Variants in MCC observed in about 807,000 individuals in gnomAD.
MCC encodes colorectal mutant cancer protein.
MCC carries 90 observed loss-of-function variants against 116.2 expected under a neutral mutation model. The ratio of observed to expected loss-of-function variants is 0.77; its 90% CI spans 0.65 to 0.92. MCC has a LOEUF of 0.92. Among genes scored for constraint, MCC ranks in the 40% least tolerant of loss-of-function variants. The pLI is 0.00. For missense variants in MCC, 1,516 were observed against 1,312.2 expected (o/e 1.16, Z -2.40); for synonymous variants, 578 against 510.5 (o/e 1.13, Z -1.78).
At chr5:113,380,077 C>T (rs762840345) in intron 2 of MCC, among the ~76,000 whole-genome samples, 5 of 152,182 alleles carry the variant, frequency 3.3e-5, no homozygotes, top group African/African-American at 7.2e-5. Context: ...ATTCCTCTTC[C>T]GAGCTGAGCA....
chr5:113,454,364 C>G (rs1771482693), intron 1 of MCC, among the ~76,000 whole-genome samples: 1 of 152,126 alleles, frequency 6.6e-6, no homozygotes, highest in South Asian at 2.1e-4. Context: ...CTTGGCCTCC[C>G]AAAATGCTGG....
chr5:113,229,398 A>C (rs747044379), intron 3 of MCC, among the ~76,000 whole-genome samples: 4 of 152,236 alleles, frequency 2.6e-5, no homozygotes, highest in Non-Finnish European at 5.9e-5. Context: ...AACTGCAATC[A>C]GATGTTTTTC....
chr5:113,039,978 A>T (rs1751588648), intron 17 of MCC, among the ~76,000 whole-genome samples: 1 of 151,962 alleles, frequency 6.6e-6, no homozygotes, highest in Non-Finnish European at 1.5e-5. Context: ...TCTGAGATGG[A>T]GAAGGTTTTT....
chr5:113,348,591 C>G (rs1768188942), intron 2 of MCC, among the ~76,000 whole-genome samples: 1 of 151,766 alleles, frequency 6.6e-6, no homozygotes, highest in Non-Finnish European at 1.5e-5. Context: ...TTATACCTAC[C>G]AATGCTTACA....
intron 14 of MCC, among the ~76,000 whole-genome samples, chr5:113,054,881 G>A (rs1453524304): frequency 6.6e-6 from 1 of 152,202 alleles, no homozygotes; most frequent in Non-Finnish European, 1.5e-5. Flanking sequence ...GCTTTCAAGT[G>A]GGCTCTGGCC....
At chr5:113,331,291 G>C (rs1365505084) in intron 3 of MCC, among the ~76,000 whole-genome samples, 1 of 151,760 alleles carries the variant, frequency 6.6e-6, no homozygotes, top group Non-Finnish European at 1.5e-5. Flanking sequence ...AAATAAGCCA[G>C]TACCGCTGAG....
At chr5:113,254,326 G>A (rs927399391) in intron 3 of MCC, among the ~76,000 whole-genome samples, 1 of 152,126 alleles carries the variant, frequency 6.6e-6, no homozygotes, top group African/African-American at 2.4e-5. Context: ...TTAAAAATAT[G>A]TCTAAGAAAA....
intron 17 of MCC, among the ~76,000 whole-genome samples, chr5:113,032,564 G>A (rs1214778846): frequency 1.3e-5 from 2 of 152,136 alleles, no homozygotes; most frequent in African/African-American, 4.8e-5. Context: ...TTGCATTTGT[G>A]GATCATATTA....
chr5:113,361,677 G>C lies in MCC; in HGVS notation c.416-20947C>G, dbSNP rs940934238. On this transcript the variant is annotated intron_variant, in intron 2 of 18. Transcript: ENST00000408903. ...GTATTTCCAGAAGAGATTGGCATTT[G>C]AATCACTGGACTGAGTAAGGAAGAT... Among the ~76,000 whole-genome samples, 6 of 152,330 alleles carry C rather than the reference G, an allele frequency of 3.9e-5. No individual in the cohort carries two copies. The South Asian group carries it at 1.2e-3, about 32-fold the overall frequency.
chr5:113,042,583 T>C (rs1278785407), intron 17 of MCC, among the ~76,000 whole-genome samples: 1 of 149,254 alleles, frequency 6.7e-6, no homozygotes, highest in Non-Finnish European at 1.5e-5. Context: ...ACTCAACATA[T>C]AGGTCAAACA....
intron 3 of MCC, among the ~76,000 whole-genome samples, chr5:113,275,685 T>C (rs1398195458): frequency 1.3e-5 from 2 of 152,170 alleles, no homozygotes; most frequent in African/African-American, 4.8e-5. Context: ...AACAAGACAG[T>C]ATAACAACTA....
At chr5:113,202,340 G>C (rs1304205967) in intron 3 of MCC, among the ~76,000 whole-genome samples, 1 of 152,088 alleles carries the variant, frequency 6.6e-6, no homozygotes, top group East Asian at 1.9e-4. Flanking sequence ...AACTTGCTTA[G>C]GCCAAGCAGC....
At chr5:113,077,669 A>T (rs1467449244) in intron 11 of MCC, among the ~76,000 whole-genome samples, 3 of 152,376 alleles carry the variant, frequency 2.0e-5, no homozygotes, top group African/African-American at 7.2e-5. Context: ...GTGTAGAGGG[A>T]AACTTATAGC....
chr5:113,195,094 T>C (rs992694928), intron 3 of MCC, among the ~76,000 whole-genome samples: 1 of 152,122 alleles, frequency 6.6e-6, no homozygotes, highest in African/African-American at 2.4e-5. Context: ...GGACTAAATA[T>C]ACCAAAGCGT....
In MCC at chr5:113,029,065, A is replaced by T. The variant is rs1750775956; in HGVS notation, c.2757-9T>A. ...CCTTCAACTTCTTTTCTCTATATTA[A>T]AGGAGACAAAATATGCCAGGAGTAG... On this transcript the variant is annotated splice_polypyrimidine_tract_variant and intron_variant, in intron 17 of 18. Coordinates refer to ENST00000408903, the MANE Select transcript of MCC (RefSeq NM_001085377.2). The T allele has an allele frequency of 6.2e-7, 1 of 1,605,320 alleles. No homozygotes were observed. The highest frequency in any genetic ancestry group is 1.3e-5 in the African/African-American group (1 of 74,586).
intron 3 of MCC, among the ~76,000 whole-genome samples, chr5:113,291,889 C>A (rs1184523698): frequency 6.6e-6 from 1 of 152,062 alleles, no homozygotes; most frequent in Non-Finnish European, 1.5e-5. Flanking sequence ...AAGTTATTGC[C>A]CATGTTAAAT....
At chr5:113,029,474 T>C (rs888316082) in intron 17 of MCC, among the ~76,000 whole-genome samples, 2 of 151,782 alleles carry the variant, frequency 1.3e-5, no homozygotes, top group African/African-American at 2.4e-5. Flanking sequence ...TTTAGCAACC[T>C]ACCTTGAACA....
At chr5:113,267,741 T>C (rs568102023) in intron 3 of MCC, among the ~76,000 whole-genome samples, 10 of 152,320 alleles carry the variant, frequency 6.6e-5, no homozygotes, top group African/African-American at 2.2e-4. Flanking sequence ...TGACTGCTAA[T>C]AGCCTTTCTT....
At chr5:113,280,892 C>T (rs1225285207) in intron 3 of MCC, among the ~76,000 whole-genome samples, 3 of 152,140 alleles carry the variant, frequency 2.0e-5, no homozygotes, top group Non-Finnish European at 4.4e-5. Flanking sequence ...CCATGGAAGT[C>T]CAAGGGGTCC....
Sources: gnomAD v4.1 joint callset for allele counts (sites outside exome capture counted in the v4.1 genomes callset) on GRCh38, gnomAD v4.1.1 for gene constraint, MANE v1.5 for transcripts, NCBI Gene and HGNC (gene_info 2026-07-23, HGNC 2026-07-21) for gene names.